The following ACTR3C variants were observed in gnomAD, a reference collection of about 807,000 sequenced individuals.
ACTR3C encodes the protein actin related protein 3C.
ACTR3C carries 18 observed loss-of-function variants against 26.3 expected under a neutral mutation model. The ratio of observed to expected loss-of-function variants is 0.68; its 90% CI spans 0.47 to 1.01. The LOEUF is 1.01. ACTR3C is among the 50% of genes least tolerant of loss of function. The pLI, the probability that ACTR3C is intolerant of heterozygous loss-of-function variation, is 0.00. For missense variants in ACTR3C, 184 were observed against 250.7 expected (o/e 0.73, Z 1.80); for synonymous variants, 55 against 94.5 (o/e 0.58, Z 2.42).
chr7:149,896,034 CAAA>C, the ACTR3C span, among the ~76,000 whole-genome samples: 30 of 83,062 alleles, frequency 3.6e-4, no homozygotes, highest in African/African-American at 1.2e-3. Context: ...CCTGTCTCTA[CAAA>C]AAAAAAAAAA....
chr7:150,281,572 G>T (rs1220476606), intron 6 of ACTR3C, among the ~76,000 whole-genome samples: 2 of 151,378 alleles, frequency 1.3e-5, no homozygotes, highest in Non-Finnish European at 1.5e-5. Flanking sequence ...AGAGTAGTGT[G>T]TGACTCTACC....
intron 3 of ACTR3C, 73 bp downstream of exon 3, chr7:150,293,239 T>C (rs1836430965): frequency 3.9e-6 from 6 of 1,524,328 alleles, no homozygotes; most frequent in Non-Finnish European, 5.3e-6. Flanking sequence ...GTTTTTTTTT[T>C]TTTTAATTTC....
the ACTR3C span, among the ~76,000 whole-genome samples, chr7:150,143,565 C>T: frequency 6.6e-6 from 1 of 152,208 alleles, no homozygotes; most frequent in African/African-American, 2.4e-5. Context: ...TCCCAGACAA[C>T]CCCTCACACC....
the ACTR3C span, among the ~76,000 whole-genome samples, chr7:150,036,957 G>C: frequency 2.1e-5 from 2 of 93,716 alleles, 1 homozygote; most frequent in Non-Finnish European, 5.0e-5. Flanking sequence ...GGGGAACCAG[G>C]GGCTGGCTCT....
At chr7:150,140,044 GCA>G in the ACTR3C span, among the ~76,000 whole-genome samples, 1 of 147,208 alleles carries the variant, frequency 6.8e-6, no homozygotes, top group Non-Finnish European at 1.5e-5. Flanking sequence ...ATACACACTC[GCA>G]CACACATGCA....
At chr7:150,037,282 T>C in the ACTR3C span, among the ~76,000 whole-genome samples, 1 of 47,260 alleles carries the variant, frequency 2.1e-5, no homozygotes, top group Non-Finnish European at 4.8e-5. Flanking sequence ...CCCACAGTCC[T>C]CCAGGTGGGT....
At chr7:149,939,602 T>C in the ACTR3C span, among the ~76,000 whole-genome samples, 4 of 152,188 alleles carry the variant, frequency 2.6e-5, no homozygotes, top group Admixed American at 6.5e-5. Context: ...GGACCTGTGC[T>C]GGGCTCCTGG....
At chr7:149,962,964 A>G in the ACTR3C span, among the ~76,000 whole-genome samples, 1 of 152,218 alleles carries the variant, frequency 6.6e-6, no homozygotes, top group African/African-American at 2.4e-5. Context: ...TGCAGCCACA[A>G]GTTTCCACAA....
the ACTR3C span, among the ~76,000 whole-genome samples, chr7:150,025,070 T>C: frequency 3.3e-5 from 5 of 151,004 alleles, no homozygotes; most frequent in Admixed American, 6.6e-5. Flanking sequence ...AAGAAGAGCC[T>C]TTCTCATGAA....
chr7:150,305,514 C>A (rs1484975445), intron 1 of ACTR3C, among the ~76,000 whole-genome samples: 1 of 152,192 alleles, frequency 6.6e-6, no homozygotes, highest in African/African-American at 2.4e-5. Flanking sequence ...CTCTCGTCAC[C>A]CTAACCAAGT....
chr7:150,231,186 T>C, the ACTR3C span, among the ~76,000 whole-genome samples: 1 of 152,172 alleles, frequency 6.6e-6, no homozygotes, highest in African/African-American at 2.4e-5. Context: ...AGCCTACTTA[T>C]TTAGATCGTG....
the ACTR3C span, among the ~76,000 whole-genome samples, chr7:150,019,630 AAT>A: frequency 1.3e-5 from 2 of 148,678 alleles, no homozygotes; most frequent in Non-Finnish European, 3.0e-5. Context: ...TAATAATAAT[AAT>A]AAAATCTATA....
the ACTR3C span, among the ~76,000 whole-genome samples, chr7:150,013,396 G>T: frequency 6.6e-6 from 1 of 152,210 alleles, no homozygotes; most frequent in Non-Finnish European, 1.5e-5. Context: ...CCAAGGTTTA[G>T]GTGAACCTCA....
chr7:150,291,830 C>A (rs2429332), intron 3 of ACTR3C, among the ~76,000 whole-genome samples: 36 of 151,422 alleles, frequency 2.4e-4, no homozygotes, highest in African/African-American at 4.6e-4. Flanking sequence ...CAAGATCCAC[C>A]GAAAGGAGTG....
chr7:150,086,111 G>C, the ACTR3C span, among the ~76,000 whole-genome samples: 1 of 151,994 alleles, frequency 6.6e-6, no homozygotes, highest in Non-Finnish European at 1.5e-5. Context: ...AGCCTCCCAA[G>C]TAGCTGGGAC....
the ACTR3C span, among the ~76,000 whole-genome samples, chr7:150,216,055 C>G: frequency 2.0e-5 from 3 of 150,126 alleles, no homozygotes; most frequent in African/African-American, 7.4e-5. Flanking sequence ...ATAAAAGAAC[C>G]CATGGCTAGT....
chr7:149,919,249 CTT>C, the ACTR3C span, among the ~76,000 whole-genome samples: 1 of 145,962 alleles, frequency 6.9e-6, no homozygotes, highest in African/African-American at 2.5e-5. Flanking sequence ...CATCCTTTTG[CTT>C]TTTTTTTTTG....
chr7:150,275,353 A>G (rs1051266856), intron 6 of ACTR3C, among the ~76,000 whole-genome samples: 13 of 152,266 alleles, frequency 8.5e-5, no homozygotes, highest in Admixed American at 7.8e-4. Flanking sequence ...CATAAATACA[A>G]GAGGACATAT....
chr7:150,071,904 G>A, the ACTR3C span, among the ~76,000 whole-genome samples: 11 of 146,846 alleles, frequency 7.5e-5, no homozygotes, highest in African/African-American at 2.5e-4. Flanking sequence ...GTGTGGAGTG[G>A]GCAGAAGTGA....
Sources: allele counts gnomAD v4.1 joint callset (sites outside exome capture counted in the v4.1 genomes callset), GRCh38; gene constraint gnomAD v4.1.1; transcripts MANE v1.5; gene names NCBI Gene and HGNC (gene_info 2026-07-23, HGNC 2026-07-21).